The following ZNF544 variants were observed in gnomAD, a reference collection of about 807,000 sequenced individuals.
The protein encoded by ZNF544 is zinc finger protein 544.
Under a neutral mutation model 13.5 loss-of-function variants are expected in ZNF544, and 10 were observed. The observed-to-expected ratio is 0.74, with a 90% CI of 0.46 to 1.25. ZNF544 has a LOEUF of 1.25. Among genes scored for constraint, ZNF544 ranks in the 50% most tolerant of loss-of-function variants. The probability of loss-of-function intolerance (pLI) is 0.00; values close to 1 mark genes in which losing one functional copy is unlikely to be tolerated. For synonymous variants in ZNF544, 323 were observed against 300.5 expected (o/e 1.07, Z -0.77); for missense variants, 896 against 845.6 (o/e 1.06, Z -0.74).
Position 58,243,932 on chromosome 19 carries a change from A to G in ZNF544, c.-59-33A>G, listed in dbSNP as rs2044482191. The G allele has an allele frequency of 6.0e-6, 9 of 1,504,264 alleles. No individual in the cohort carries two copies. The South Asian group carries it at 1.2e-4, about 19-fold the overall frequency. 93.2% of individuals were successfully genotyped at this position (1,504,264 alleles called of 1,614,324 possible). The stretch of plus-strand genomic sequence containing the variant: ...TGGCCCTGGAGGTTTGCAGGAGCCG[A>G]GGGGCTGAATCTCTGCTTGTTTTCC... On this transcript the variant is annotated intron_variant, in intron 3 of 6. Transcript: ENST00000687789.
chr19:58,256,549 G>A (rs192839522), intron 6 of ZNF544, among the ~76,000 whole-genome samples: 4 of 152,226 alleles, frequency 2.6e-5, no homozygotes, highest in Non-Finnish European at 5.9e-5. Context: ...CAACTTAAAC[G>A]GTTACAAGAA....
intron 3 of ZNF544, among the ~76,000 whole-genome samples, chr19:58,233,365 G>A (rs2041758793): frequency 6.6e-6 from 1 of 152,104 alleles, no homozygotes; most frequent in Non-Finnish European, 1.5e-5. Flanking sequence ...CACCTCTTTA[G>A]TGATAAAAGG....
chr19:58,237,214 C>T (rs1349928408), intron 3 of ZNF544, among the ~76,000 whole-genome samples: 1 of 152,096 alleles, frequency 6.6e-6, no homozygotes, highest in African/African-American at 2.4e-5. Flanking sequence ...CAGGTGTGCG[C>T]CACCACACCT....
At chr19:58,269,936 G>T (rs1481744942) in intron 5 of ZNF544, among the ~76,000 whole-genome samples, 1 of 152,130 alleles carries the variant, frequency 6.6e-6, no homozygotes, top group African/African-American at 2.4e-5. Context: ...AGAGCAAATG[G>T]CATGGCAGAA....
Position 58,261,767 on chromosome 19 carries a change from A to G in ZNF544, c.1161A>G (p.Lys387=), listed in dbSNP as rs746919381. 4 of 1,614,196 alleles carry G rather than the reference A, an allele frequency of 2.5e-6. No individual in the cohort carries two copies. The South Asian group carries it at 4.4e-5, about 18-fold the overall frequency. Residue 387 remains lysine (K), a synonymous_variant, in exon 7 of 7, where the codon AAA becomes AAG. Coordinates refer to ENST00000687789, the MANE Select transcript of ZNF544 (RefSeq NM_014480.4). ...CCTTCGAATGTACTCAGTGTGGGAAATCTTTTAGCCAGAGCTATGACCTTG... is the reference window on the plus strand; with the variant it reads ...CCTTCGAATGTACTCAGTGTGGGAAGTCTTTTAGCCAGAGCTATGACCTTG... ...EKPFECTQCG[K]SFSQSYDLVI... is the part of the protein sequence containing the mutation.
intron 2 of ZNF544, chr19:58,230,133 C>T (rs1035674850): frequency 6.6e-6 from 1 of 152,068 alleles, no homozygotes; most frequent in African/African-American, 2.4e-5. Context: ...AACGTCACCC[C>T]ACAAGCAGGG....
chr19:58,242,109 G>A (rs1277114001), intron 3 of ZNF544: 2 of 410,680 alleles, frequency 4.9e-6, no homozygotes, highest in South Asian at 1.0e-4. Flanking sequence ...GTGTTTGAGA[G>A]CAGGAGAGTT....
intron 6 of ZNF544, among the ~76,000 whole-genome samples, chr19:58,256,777 G>A (rs1278801538): frequency 1.3e-5 from 2 of 152,290 alleles, no homozygotes; most frequent in South Asian, 2.1e-4. Flanking sequence ...AAAGGGGGTT[G>A]GGTAAGGAGC....
Position 58,261,031 on chromosome 19 carries a change from T to C in ZNF544, c.425T>C (p.Phe142Ser). 1 of 1,614,202 alleles carries C rather than the reference T, an allele frequency of 6.2e-7. No homozygotes were observed. Among genetic ancestry groups the C allele is most frequent in the Non-Finnish European group, 8.5e-7 (1 of 1,180,010 alleles). The change falls in exon 7 of 7, where the codon TTC (phenylalanine) becomes TCC (serine). Residue 142 changes from phenylalanine to serine, a missense_variant. By Grantham distance (155) the Phe-to-Ser change is radical (BLOSUM62 -2). Transcript: ENST00000687789. ...LREHQENSLRFMVLTSERLFA... is the reference protein window; with the variant it reads ...LREHQENSLRSMVLTSERLFA... Reference sequence around the variant, plus strand: ...GAACACCAGGAGAACTCCTTGAGGTTCATGGTACTCACCTCAGAGAGACTG... The same window carrying C: ...GAACACCAGGAGAACTCCTTGAGGTCCATGGTACTCACCTCAGAGAGACTG...
At chr19:58,269,612 A>C (rs978330719) in intron 5 of ZNF544, among the ~76,000 whole-genome samples, 2 of 34,922 alleles carry the variant, frequency 5.7e-5, no homozygotes, top group African/African-American at 1.7e-4. Context: ...CTCTGTCTCA[A>C]AAAAAAAAAA....
At chr19:58,237,573 G>A (rs754202267) in intron 3 of ZNF544, among the ~76,000 whole-genome samples, 10 of 152,194 alleles carry the variant, frequency 6.6e-5, no homozygotes, top group African/African-American at 9.6e-5. Flanking sequence ...CCCCGCCAGC[G>A]GTCCGAGGGG....
At chr19:58,234,777 CTT>C (rs1287347304) in intron 3 of ZNF544, among the ~76,000 whole-genome samples, 1 of 152,204 alleles carries the variant, frequency 6.6e-6, no homozygotes, top group African/African-American at 2.4e-5. Context: ...ACATTAAACT[CTT>C]TAAAGCTGGG....
chr19:58,234,023 G>A (rs540368316), intron 3 of ZNF544, among the ~76,000 whole-genome samples: 34 of 152,218 alleles, frequency 2.2e-4, no homozygotes, highest in African/African-American at 7.9e-4. Context: ...GAATGAATCT[G>A]CCCACTTCTC....
rs538615591 is a variant in ZNF544 at position 58,238,532 on chromosome 19, G to C, written c.-59-5433G>C. Among the ~76,000 whole-genome samples the C allele has an allele frequency of 2.2e-4, 34 of 152,272 alleles. 2 individuals carry two copies. In the South Asian group the frequency reaches 7.0e-3, roughly 32 times the overall value. The stretch of plus-strand genomic sequence containing the variant: ...CTGAATGTGAGGAGAGCACGCAGGA[G>C]GCGTCAGGAAGGACTTCCCCTCTCA... On this transcript the variant is annotated intron_variant, in intron 3 of 6. Coordinates refer to ENST00000687789, the MANE Select transcript of ZNF544 (RefSeq NM_014480.4).
chr19:58,276,136 C>G (rs1258666148), intron 5 of ZNF544, among the ~76,000 whole-genome samples: 2 of 152,178 alleles, frequency 1.3e-5, no homozygotes, highest in African/African-American at 4.8e-5. Context: ...AAGATTGCAG[C>G]ACTGCATTCC....
At chr19:58,276,442 A>T (rs1771123780) in intron 6 of ZNF544, 4 of 1,205,886 alleles carry the variant, frequency 3.3e-6, no homozygotes, top group Non-Finnish European at 4.1e-6. Context: ...GAGTGAAGAC[A>T]TCTGTCAAAA....
At chr19:58,276,961 T>G (rs1568519591) in intron 6 of ZNF544, among the ~76,000 whole-genome samples, 1 of 152,188 alleles carries the variant, frequency 6.6e-6, no homozygotes, top group Non-Finnish European at 1.5e-5. Context: ...TTGTAAGGAT[T>G]AAAGCAGAGG....
Position 58,261,884 on chromosome 19 carries a change from TC to T in ZNF544, c.1279del (p.Gln427SerfsTer53), listed in dbSNP as rs754890453. The T allele has an allele frequency of 6.2e-7, 1 of 1,612,570 alleles. No homozygotes were observed. The highest frequency in any genetic ancestry group is 2.2e-5 in the East Asian group (1 of 44,812). On this transcript the variant is annotated frameshift_variant, in exon 7 of 7. Transcript: ENST00000687789. LOFTEE classifies it low-confidence loss of function (END_TRUNC). ...FTQRSKLITH[Q>X]RIHTGEKPYQ... ...CCCAGAGATCCAAACTTATTACACATCAGCGAATTCACACTGGAGAAAAACC... is the reference window on the plus strand; with the variant it reads ...CCCAGAGATCCAAACTTATTACACATAGCGAATTCACACTGGAGAAAAACC...
chr19:58,270,000 A>C (rs1334366556), intron 5 of ZNF544, among the ~76,000 whole-genome samples: 1 of 152,232 alleles, frequency 6.6e-6, no homozygotes, highest in African/African-American at 2.4e-5. Context: ...TTTAATCTAG[A>C]AAAGGAATAG....
Sources: gnomAD v4.1 joint callset for allele counts (sites outside exome capture counted in the v4.1 genomes callset) on GRCh38, gnomAD v4.1.1 for gene constraint, MANE v1.5 for transcripts, NCBI Gene and HGNC (gene_info 2026-07-23, HGNC 2026-07-21) for gene names.